The following HACD2 variants were observed in gnomAD, a reference collection of about 807,000 sequenced individuals.
HACD2 encodes 3-hydroxyacyl-CoA dehydratase 2, also known as very-long-chain (3R)-3-hydroxyacyl-CoA dehydratase 2.
In HACD2, 15 loss-of-function variants were observed where a neutral mutation model predicts 31.0. The ratio of observed to expected loss-of-function variants is 0.48; its 90% CI spans 0.32 to 0.75. HACD2 has a LOEUF of 0.75. HACD2 is among the 30% of genes least tolerant of loss of function. The pLI is 0.03. For missense variants in HACD2, 283 were observed against 313.0 expected, an observed-to-expected ratio of 0.90 and a Z score of 0.72; for synonymous variants, 115 against 122.2, an observed-to-expected ratio of 0.94 and a Z score of 0.39.
intron 4 of HACD2, among the ~76,000 whole-genome samples, chr3:123,527,966 A>G (rs2056305729): frequency 6.6e-6 from 1 of 152,230 alleles, no homozygotes; most frequent in Non-Finnish European, 1.5e-5. Flanking sequence ...TAGGTTTAAA[A>G]TGATGACTTG....
chr3:123,576,303 C>A (rs2056907353), intron 2 of HACD2, among the ~76,000 whole-genome samples: 1 of 150,786 alleles, frequency 6.6e-6, no homozygotes, highest in Admixed American at 6.6e-5. Context: ...GCTATTGTAC[C>A]TCTTTGAATA....
intron 4 of HACD2, among the ~76,000 whole-genome samples, chr3:123,506,375 C>T (rs1428837134): frequency 1.3e-5 from 2 of 152,120 alleles, no homozygotes; most frequent in Admixed American, 6.5e-5. Context: ...GAATCAATGC[C>T]CCTTAAATTG....
intron 4 of HACD2, among the ~76,000 whole-genome samples, chr3:123,524,497 C>T (rs1397745820): frequency 6.6e-6 from 1 of 152,104 alleles, no homozygotes; most frequent in Non-Finnish European, 1.5e-5. Flanking sequence ...TTGATGTGTA[C>T]ATCTGATGTA....
intron 4 of HACD2, among the ~76,000 whole-genome samples, chr3:123,512,619 C>G (rs1288853909): frequency 6.6e-6 from 1 of 152,044 alleles, no homozygotes; most frequent in Admixed American, 6.5e-5. Context: ...AAACCAGTTA[C>G]ATGGAGCAAA....
chr3:123,516,744 T>TA (rs2056142672), intron 4 of HACD2, among the ~76,000 whole-genome samples: 1 of 152,224 alleles, frequency 6.6e-6, no homozygotes, highest in Admixed American at 6.5e-5. Flanking sequence ...CGATACATGA[T>TA]CGATTCTGCA....
At chr3:123,498,904 C>A (rs1156534284) in intron 6 of HACD2, among the ~76,000 whole-genome samples, 1 of 152,206 alleles carries the variant, frequency 6.6e-6, no homozygotes, top group African/African-American at 2.4e-5. Context: ...AAGCTCAGCA[C>A]TGGTTGGCTA....
intron 6 of HACD2, among the ~76,000 whole-genome samples, chr3:123,499,096 G>T (rs2055871551): frequency 6.6e-6 from 1 of 152,090 alleles, no homozygotes; most frequent in South Asian, 2.1e-4. Context: ...AAACCTCCCT[G>T]CCCCTTTCCC....
At position 123,493,399 on chromosome 3, in the gene HACD2, A is replaced by G. The variant is rs1300857985; in HGVS notation, c.*1489T>C. 5 of 152,228 alleles carry G rather than the reference A, an allele frequency of 3.3e-5. No homozygotes were observed. Among genetic ancestry groups the G allele is most frequent in the African/African-American group, 1.2e-4 (5 of 41,458 alleles). The allele number at this position is 152,228 out of a possible 1,614,324, so 9.4% of individuals were successfully genotyped here. A position where few individuals can be genotyped will look rare whatever the true frequency, so the allele number is the denominator to read the frequency against. ...AGTTTTCCAGTATGAGTTTTCTGAT[A>G]TTCGCAATTATATTTTAAATGACAA... On this transcript the variant is annotated 3_prime_UTR_variant, in exon 7 of 7. Coordinates refer to ENST00000383657, the MANE Select transcript of HACD2 (RefSeq NM_198402.5).
chr3:123,567,231 G>A (rs1010441869), intron 3 of HACD2, among the ~76,000 whole-genome samples: 21 of 152,108 alleles, frequency 1.4e-4, no homozygotes, highest in South Asian at 4.1e-4. Flanking sequence ...TTGATGACTC[G>A]CCCCTCCCCA....
intron 2 of HACD2, among the ~76,000 whole-genome samples, chr3:123,581,799 A>T (rs2056969071): frequency 2.6e-5 from 4 of 152,228 alleles, no homozygotes. Flanking sequence ...TTAAATTTTT[A>T]AAATTTGGAC....
intron 4 of HACD2, among the ~76,000 whole-genome samples, chr3:123,523,842 G>A (rs1232523339): frequency 6.6e-6 from 1 of 152,222 alleles, no homozygotes; most frequent in African/African-American, 2.4e-5. Context: ...CCAGTGTGAG[G>A]CAGCTGGATT....
At chr3:123,572,584 T>C (rs150325659) in intron 2 of HACD2, among the ~76,000 whole-genome samples, 132 of 152,346 alleles carry the variant, frequency 8.7e-4, no homozygotes, top group African/African-American at 2.7e-3. Flanking sequence ...GGCAATAAAC[T>C]GATTTTAGTT....
intron 2 of HACD2, among the ~76,000 whole-genome samples, chr3:123,581,726 T>G (rs531122465): frequency 6.6e-6 from 1 of 152,316 alleles, no homozygotes; most frequent in African/African-American, 2.4e-5. Flanking sequence ...TAATCTATAC[T>G]TACCCCAAGA....
rs537226004 is a variant in HACD2, at chr3:123,500,771, C to A, written c.504-78G>T. 3.8e-6 allele frequency: 3 copies of A among 784,618 alleles called. No homozygotes were observed. The East Asian group carries it at 8.2e-5, about 21-fold the overall frequency. 48.6% of individuals were successfully genotyped at this position (784,618 alleles called of 1,614,324 possible). ...AAGCTGCACTTCCCACCCTTCTAAT[C>A]AGTACTGGTCTTTTAGAAAATGATT... On this transcript the variant is annotated intron_variant, in intron 5 of 6. Coordinates refer to ENST00000383657, the MANE Select transcript of HACD2 (RefSeq NM_198402.5).
At chr3:123,519,758 C>T (rs1398335563) in intron 4 of HACD2, among the ~76,000 whole-genome samples, 4 of 152,170 alleles carry the variant, frequency 2.6e-5, no homozygotes, top group South Asian at 2.1e-4. Flanking sequence ...TTCCTCCTCC[C>T]GCAAGTTTTC....
intron 2 of HACD2, among the ~76,000 whole-genome samples, chr3:123,580,027 C>CTGGA (rs2056949056): frequency 6.6e-6 from 1 of 152,072 alleles, no homozygotes; most frequent in African/African-American, 2.4e-5. Context: ...GGTACTCAGG[C>CTGGA]TTCCAGCTGG....
intron 3 of HACD2, among the ~76,000 whole-genome samples, chr3:123,536,347 A>T (rs1400601410): frequency 6.6e-6 from 1 of 152,230 alleles, no homozygotes; most frequent in Admixed American, 6.5e-5. Flanking sequence ...TAATACCTCT[A>T]TCAGAGCAAA....
chr3:123,566,232 C>T (rs1380344088), intron 3 of HACD2, among the ~76,000 whole-genome samples: 1 of 152,178 alleles, frequency 6.6e-6, no homozygotes, highest in African/African-American at 2.4e-5. Flanking sequence ...GGACTCTCTA[C>T]CCGTAATCCC....
intron 1 of HACD2, among the ~76,000 whole-genome samples, chr3:123,582,906 T>A (rs532232196): frequency 6.6e-6 from 1 of 152,220 alleles, no homozygotes; most frequent in East Asian, 1.9e-4. Context: ...GCCAGATCAA[T>A]ACAAACCACG....
Sources: gnomAD v4.1 joint callset for allele counts (sites outside exome capture counted in the v4.1 genomes callset) on GRCh38, gnomAD v4.1.1 for gene constraint, MANE v1.5 for transcripts, NCBI Gene and HGNC (gene_info 2026-07-23, HGNC 2026-07-21) for gene names.